MTPAP: variants seen among roughly 807,000 people sequenced by gnomAD.
MTPAP encodes mitochondrial poly(A) polymerase, also known as poly(A) RNA polymerase, mitochondrial.
Under a neutral mutation model 48.7 loss-of-function variants are expected in MTPAP, and 23 were observed. The ratio of observed to expected loss-of-function variants is 0.47; its 90% CI spans 0.34 to 0.67. The LOEUF (loss-of-function observed/expected upper bound fraction) is 0.67. Among genes scored for constraint, MTPAP ranks in the 30% least tolerant of loss-of-function variants. The pLI is 0.01. For missense variants in MTPAP, 614 were observed against 694.3 expected, an observed-to-expected ratio of 0.88 and a Z score of 1.30; for synonymous variants, 257 against 254.1, an observed-to-expected ratio of 1.01 and a Z score of -0.11.
intron 6 of MTPAP, among the ~76,000 whole-genome samples, chr10:30,321,840 TCAGCAAGGCTGAGG>T (rs1840729453): frequency 6.6e-6 from 1 of 152,198 alleles, no homozygotes; most frequent in African/African-American, 2.4e-5. Flanking sequence ...CCAGCAGGCC[TCAGCAAGGCTGAGG>T]CACAAGAATC....
rs150271828 is a variant in MTPAP, at chr10:30,343,213, C to T, written c.158-1573G>A. Among the ~76,000 whole-genome samples, 13 of 152,066 alleles carry T rather than the reference C, an allele frequency of 8.5e-5. No individual in the cohort carries two copies. In the East Asian group the frequency reaches 1.7e-3, roughly 20 times the overall value. ...CCTGTAATCCCAGCACTTTGGGAGA[C>T]GGAGGTGGGCGGATCACCTGAGGCC... On this transcript the variant is annotated intron_variant, in intron 1 of 8. Transcript: ENST00000263063.
At chr10:30,323,142 A>AG (rs1300636525) in intron 5 of MTPAP, among the ~76,000 whole-genome samples, 1 of 147,104 alleles carries the variant, frequency 6.8e-6, no homozygotes, top group African/African-American at 2.6e-5. Context: ...AAAAAAAAAA[A>AG]AAAAAAAAGA....
rs192554713 is a variant in MTPAP at position 30,323,667 on chromosome 10, G to A, written c.993-1050C>T. Among the ~76,000 whole-genome samples the A allele has an allele frequency of 4.1e-3, 621 of 151,914 alleles. 1 individual carries two copies. Among genetic ancestry groups the A allele is most frequent in the African/African-American group, 0.013 (547 of 41,506 alleles). ...TGGGACTACAGGCGCCCACCACCAC[G>A]CCCGGCTAATTTTTTTGTATTTTTA... On this transcript the variant is annotated intron_variant, in intron 5 of 8. Transcript: ENST00000263063.
Position 30,336,837 on chromosome 10 carries a change from T to C in MTPAP, c.746A>G (p.Asp249Gly). 1.2e-6 allele frequency: 2 copies of C among 1,612,188 alleles called. No homozygotes were observed. The highest frequency in any genetic ancestry group is 1.7e-6 in the Non-Finnish European group (2 of 1,179,748). The change falls in exon 4 of 9, where the codon GAT becomes GGT. Residue 249 changes from aspartate to glycine, a missense_variant. Asp to Gly is a moderately conservative substitution (Grantham distance 94). Coordinates refer to ENST00000263063, the MANE Select transcript of MTPAP (RefSeq NM_018109.4). ...KLGCDLDMFL[D>G]LDETRNLSAH... The stretch of plus-strand genomic sequence containing the variant: ...GCTGAGGTTTCTGGTTTCATCTAGA[T>C]CCAAAAACATGTCCAAATCACATCC...
intron 6 of MTPAP, among the ~76,000 whole-genome samples, chr10:30,321,023 T>C (rs745452007): frequency 6.6e-5 from 10 of 152,308 alleles, no homozygotes; most frequent in East Asian, 3.9e-4. Context: ...CTCCATTAGA[T>C]TGTGAGTTAT....
At position 30,322,425 on chromosome 10, in the gene MTPAP, A is replaced by T. The variant is rs1840735827; in HGVS notation, c.1185T>A (p.Ile395=). The T allele has an allele frequency of 6.2e-7, 1 of 1,612,966 alleles. No homozygotes were observed. Among genetic ancestry groups the T allele is most frequent in the African/African-American group, 1.3e-5 (1 of 75,020 alleles). Residue 395 remains isoleucine, a synonymous_variant, in exon 6 of 9, where the codon ATT becomes ATA. Coordinates refer to ENST00000263063, the MANE Select transcript of MTPAP (RefSeq NM_018109.4). ...IFFLQRRSPP[I]LPTLDSLKTL... is the part of the protein sequence containing the mutation. ...TTTTTAAGGAATCTAGTGTTGGAAG[A>T]ATAGGGGGTGATCTTCTCTGGAGAA...
rs757645927 is a variant in MTPAP at position 30,309,899 on chromosome 10, C to A, written c.*3710G>T. ...TTTTCCTATAACGTTTCAGGCTAAT[C>A]GTTATTTCCTAGAAAGTCTCTGGCT... On this transcript the variant is annotated 3_prime_UTR_variant, in exon 9 of 9. Coordinates refer to ENST00000263063, the MANE Select transcript of MTPAP (RefSeq NM_018109.4). 6.6e-6 allele frequency: 1 copy of A among 152,276 alleles called. No homozygotes were observed. The highest frequency in any genetic ancestry group is 1.9e-4 in the East Asian group (1 of 5,184). 9.4% of individuals were successfully genotyped at this position (152,276 alleles called of 1,614,324 possible). A position where few individuals can be genotyped will look rare whatever the true frequency, so the allele number is the denominator to read the frequency against.
intron 4 of MTPAP, among the ~76,000 whole-genome samples, chr10:30,327,138 C>T (rs762423035): frequency 6.6e-6 from 1 of 151,998 alleles, no homozygotes; most frequent in Non-Finnish European, 1.5e-5. Context: ...GGGAAAATTC[C>T]TATTCAACAA....
At chr10:30,321,982 T>C (rs1057511600) in intron 6 of MTPAP, among the ~76,000 whole-genome samples, 1 of 152,190 alleles carries the variant, frequency 6.6e-6, no homozygotes, top group Non-Finnish European at 1.5e-5. Flanking sequence ...ACATTTAGAA[T>C]CTTTGAAACA....
At chr10:30,330,385 A>G (rs1252059976) in intron 4 of MTPAP, among the ~76,000 whole-genome samples, 2 of 152,158 alleles carry the variant, frequency 1.3e-5, no homozygotes, top group Admixed American at 1.3e-4. Flanking sequence ...CTATCTCAGG[A>G]TGGCAAAAAG....
chr10:30,331,389 C>G (rs1274260851), intron 4 of MTPAP, among the ~76,000 whole-genome samples: 1 of 152,140 alleles, frequency 6.6e-6, no homozygotes, highest in East Asian at 1.9e-4. Context: ...TTACCTAAGT[C>G]CTCTAAGATA....
chr10:30,315,510 AAAAACAAAAC>A (rs1554817030), intron 8 of MTPAP, among the ~76,000 whole-genome samples: 54 of 147,316 alleles, frequency 3.7e-4, no homozygotes, highest in African/African-American at 1.2e-3. Flanking sequence ...CTCAAAAAAA[AAAAACAAAAC>A]AAAACAAAAC....
chr10:30,322,734 A>AT, intron 5 of MTPAP, 117 bp from the exon 6 acceptor site: 1 of 739,906 alleles, frequency 1.4e-6, no homozygotes, highest in South Asian at 1.6e-5. Flanking sequence ...ATGTATTCAG[A>AT]ACATCATTAG....
At position 30,312,108 on chromosome 10, in the gene MTPAP, C is replaced by T. The variant is rs185747359; in HGVS notation, c.*1501G>A. The T allele has an allele frequency of 6.6e-6, 1 of 152,214 alleles. No individual in the cohort carries two copies. Among genetic ancestry groups the T allele is most frequent in the African/African-American group, 2.4e-5 (1 of 41,422 alleles). 9.4% of individuals were successfully genotyped at this position (152,214 alleles called of 1,614,324 possible). A position where few individuals can be genotyped will look rare whatever the true frequency, so the allele number is the denominator to read the frequency against. The stretch of plus-strand genomic sequence containing the variant: ...TGAGATTGTGCCATTGCACCCCAGC[C>T]TGGGCAACAAGAGCAAAACTCCGTC... On this transcript the variant is annotated 3_prime_UTR_variant, in exon 9 of 9. Coordinates refer to ENST00000263063, the MANE Select transcript of MTPAP (RefSeq NM_018109.4).
At chr10:30,323,228 G>A (rs371441776) in intron 5 of MTPAP, among the ~76,000 whole-genome samples, 1 of 151,068 alleles carries the variant, frequency 6.6e-6, no homozygotes, top group East Asian at 2.0e-4. Flanking sequence ...TGAGGCGGGC[G>A]GATCACCTGA....
At chr10:30,337,114 C>T (rs1048232072) in intron 3 of MTPAP, 87 bp from the exon 4 acceptor site, 10 of 1,120,826 alleles carry the variant, frequency 8.9e-6, no homozygotes, top group Admixed American at 3.7e-5. Flanking sequence ...GATTTGGTGG[C>T]GTTGAAGACC....
At chr10:30,336,702 A>G in intron 4 of MTPAP, 101 bp downstream of exon 4, 2 of 944,784 alleles carry the variant, frequency 2.1e-6, no homozygotes, top group Non-Finnish European at 3.4e-6. Flanking sequence ...ATGTTTAATA[A>G]GTTTAGAAAT....
rs770448490 is a variant in MTPAP at position 30,326,427 on chromosome 10, T to C, written c.989A>G (p.Asn330Ser). ...SGFQCDLTTN[N>S]RIALTSSELL... The stretch of plus-strand genomic sequence containing the variant: ...TAATAAATGTAAGCGGTCATACCTA[T>C]TGTTCGTAGTCAAATCACACTGAAA... Residue 330 changes from asparagine to serine, a missense_variant, in exon 5 of 9, where the codon AAT (asparagine) becomes AGT (serine). Asn to Ser is a conservative substitution (Grantham distance 46). Transcript: ENST00000263063. 2.5e-6 allele frequency: 4 copies of C among 1,612,888 alleles called. No individual in the cohort carries two copies. Among genetic ancestry groups the C allele is most frequent in the East Asian group, 2.2e-5 (1 of 44,880 alleles).
chr10:30,340,366 C>T lies in MTPAP; in HGVS notation c.415G>A (p.Glu139Lys). The change falls in exon 3 of 9, where the codon GAG (glutamate) becomes AAG (lysine). Residue 139 changes from glutamate (E) to lysine (K), a missense_variant. Glu to Lys is a moderately conservative substitution (Grantham distance 56). Coordinates refer to ENST00000263063, the MANE Select transcript of MTPAP (RefSeq NM_018109.4). ...NGTHTPSTAM[E>K]TAIPFRSRFF... is the part of the protein sequence containing the mutation. ...CGTGATCTGAATGGAATTGCAGTCT[C>T]CATGGCCGTGCTTGGAGTATGAGTC... 1.2e-6 allele frequency: 2 copies of T among 1,614,184 alleles called. No homozygotes were observed. Among genetic ancestry groups the T allele is most frequent in the South Asian group, 2.2e-5 (2 of 91,082 alleles).
Sources: gnomAD v4.1 joint callset for allele counts (sites outside exome capture counted in the v4.1 genomes callset) on GRCh38, gnomAD v4.1.1 for gene constraint, MANE v1.5 for transcripts, NCBI Gene and HGNC (gene_info 2026-07-23, HGNC 2026-07-21) for gene names.